The following GRID2 variants were observed in gnomAD, a reference collection of about 807,000 sequenced individuals.
The protein encoded by GRID2 is glutamate ionotropic receptor delta type subunit 2.
In GRID2, 33 loss-of-function variants were observed where a neutral mutation model predicts 114.8. That is an observed-to-expected ratio of 0.29 (90% confidence interval 0.22 to 0.38). The LOEUF (loss-of-function observed/expected upper bound fraction) is 0.38, where lower values mean the gene tolerates loss of function less well. GRID2 is among the 10% of genes least tolerant of loss of function. The pLI, the probability that GRID2 is intolerant of heterozygous loss-of-function variation, is 1.00. For missense variants in GRID2, 1,184 were observed against 1,257.7 expected (o/e 0.94, Z 0.89); for synonymous variants, 505 against 449.9 (o/e 1.12, Z -1.55).
rs1468506096 is a variant in GRID2, at chr4:93,094,140, C to T, written c.529+8861C>T. On this transcript the variant is annotated intron_variant, in intron 3 of 15. Coordinates refer to ENST00000282020, the MANE Select transcript of GRID2 (RefSeq NM_001510.4). ...GTGTTTGTGTTAAAACCTTGAGTGG[C>T]ACTTGCTTCAGGAAAAAAAGGGTGT... 2.0e-5 allele frequency among the ~76,000 whole-genome samples: 3 copies of T among 152,006 alleles called. No homozygotes were observed. In the East Asian group the frequency reaches 5.8e-4, roughly 29 times the overall value.
chr4:92,506,608 T>G (rs1352898826), intron 1 of GRID2, among the ~76,000 whole-genome samples: 1 of 151,798 alleles, frequency 6.6e-6, no homozygotes, highest in Non-Finnish European at 1.5e-5. Flanking sequence ...ATTGTCTTTT[T>G]TTTATTAGAT....
intron 14 of GRID2, among the ~76,000 whole-genome samples, chr4:93,681,640 T>G (rs567362915): frequency 4.6e-5 from 7 of 152,282 alleles, no homozygotes; most frequent in South Asian, 4.1e-4. Flanking sequence ...TCTACAACTA[T>G]CTGATCTTTG....
At chr4:93,409,713 A>G (rs564363458) in intron 9 of GRID2, among the ~76,000 whole-genome samples, 8 of 152,288 alleles carry the variant, frequency 5.3e-5, no homozygotes, top group African/African-American at 1.9e-4. Context: ...ATGCATACCC[A>G]TATACTGATG....
intron 2 of GRID2, among the ~76,000 whole-genome samples, chr4:92,610,785 T>C (rs1249547945): frequency 6.6e-6 from 1 of 151,718 alleles, no homozygotes; most frequent in Non-Finnish European, 1.5e-5. Flanking sequence ...TAGCCTCTTC[T>C]GGGCATTTCA....
At chr4:92,387,954 A>G (rs1730054310) in intron 1 of GRID2, among the ~76,000 whole-genome samples, 1 of 152,030 alleles carries the variant, frequency 6.6e-6, no homozygotes, top group South Asian at 2.1e-4. Context: ...GATTTCAGAG[A>G]TACATTTATT....
intron 2 of GRID2, among the ~76,000 whole-genome samples, chr4:92,994,470 A>T (rs561561346): frequency 3.3e-5 from 5 of 151,906 alleles, no homozygotes; most frequent in Non-Finnish European, 2.9e-5. Flanking sequence ...CTCCTACCTC[A>T]GCCTCCCAAG....
At chr4:92,969,378 G>T (rs1211303451) in intron 2 of GRID2, among the ~76,000 whole-genome samples, 1 of 151,638 alleles carries the variant, frequency 6.6e-6, no homozygotes, top group East Asian at 1.9e-4. Flanking sequence ...TTAATACTTG[G>T]ATGGAAATTG....
chr4:93,598,379 C>T (rs1739324816), intron 13 of GRID2, among the ~76,000 whole-genome samples: 1 of 151,886 alleles, frequency 6.6e-6, no homozygotes, highest in African/African-American at 2.4e-5. Flanking sequence ...TCACTCATTC[C>T]TTCTCATGCT....
chr4:92,979,528 C>T (rs935337187), intron 2 of GRID2, among the ~76,000 whole-genome samples: 6 of 152,054 alleles, frequency 3.9e-5, no homozygotes, highest in Non-Finnish European at 8.8e-5. Context: ...TGAATGCATG[C>T]TGAAGTTTGC....
At chr4:92,670,671 C>T (rs560793148) in intron 2 of GRID2, among the ~76,000 whole-genome samples, 26 of 152,106 alleles carry the variant, frequency 1.7e-4, no homozygotes, top group African/African-American at 5.8e-4. Context: ...TAATATGTAA[C>T]ATATGTAGAG....
intron 2 of GRID2, among the ~76,000 whole-genome samples, chr4:92,781,011 C>T (rs1739048451): frequency 1.3e-5 from 2 of 152,072 alleles, no homozygotes; most frequent in South Asian, 2.1e-4. Context: ...CTTTGGGAGG[C>T]CAAGGCAGGT....
chr4:92,597,105 T>A (rs1423236768), intron 2 of GRID2, among the ~76,000 whole-genome samples: 1 of 152,068 alleles, frequency 6.6e-6, no homozygotes, highest in Non-Finnish European at 1.5e-5. Context: ...TTTTTATTTT[T>A]ATTTTTATTT....
chr4:93,040,483 T>C (rs1346370461), intron 2 of GRID2, among the ~76,000 whole-genome samples: 1 of 152,166 alleles, frequency 6.6e-6, no homozygotes, highest in Admixed American at 6.5e-5. Flanking sequence ...AAGTGTATTC[T>C]TTTTCTTCTT....
chr4:93,343,479 T>C (rs1759869762), intron 8 of GRID2, among the ~76,000 whole-genome samples: 1 of 152,076 alleles, frequency 6.6e-6, no homozygotes, highest in African/African-American at 2.4e-5. Flanking sequence ...TTTCCCAAGA[T>C]GTTCAAAAAA....
At chr4:93,764,952 C>A (rs1240376516) in intron 14 of GRID2, among the ~76,000 whole-genome samples, 2 of 152,114 alleles carry the variant, frequency 1.3e-5, no homozygotes, top group South Asian at 4.1e-4. Flanking sequence ...CACACACACT[C>A]GCACACATAC....
intron 2 of GRID2, among the ~76,000 whole-genome samples, chr4:93,074,338 T>C (rs576723763): frequency 2.0e-5 from 3 of 152,112 alleles, no homozygotes; most frequent in Non-Finnish European, 4.4e-5. Flanking sequence ...AAACAATCCA[T>C]TGTCAAGATG....
chr4:93,515,368 G>T lies in GRID2; in HGVS notation c.2150G>T (p.Gly717Val), dbSNP rs752352738. 1.2e-6 allele frequency: 2 copies of T among 1,613,224 alleles called. No homozygotes were observed. The highest frequency in any genetic ancestry group is 2.2e-5 in the South Asian group (2 of 91,056). ...TGGCGGATGATCAACCGAAGCAATG[G>T]ATCGGAGAACAATGTTCTGGAGTCC... is the stretch of plus-strand genomic sequence containing the variant. ...QMWRMINRSN[G>V]SENNVLESQA... Residue 717 changes from glycine (G) to valine (V), a missense_variant, in exon 13 of 16, where the codon GGA becomes GTA. Physicochemically the swap from Gly to Val is moderately radical, Grantham distance 109 (BLOSUM62 -3). This residue lies in a region of GRID2 where 717 missense variants were observed against 796.9 expected (regional missense o/e 0.90). Transcript: ENST00000282020.
chr4:93,139,735 AACACACACAC>A (rs70942952), intron 4 of GRID2, among the ~76,000 whole-genome samples: 3 of 147,894 alleles, frequency 2.0e-5, no homozygotes, highest in African/African-American at 5.0e-5. Context: ...GTACTTTTGA[AACACACACAC>A]ACACACACAC....
intron 1 of GRID2, among the ~76,000 whole-genome samples, chr4:92,401,478 A>G (rs898206652): frequency 6.6e-6 from 1 of 152,150 alleles, no homozygotes; most frequent in Non-Finnish European, 1.5e-5. Flanking sequence ...CAGAGATATC[A>G]TGGGTTTAGT....
Sources: gnomAD v4.1 joint callset for allele counts (sites outside exome capture counted in the v4.1 genomes callset) on GRCh38, gnomAD v4.1.1 for gene constraint, gnomAD v4.1.1 regional missense constraint, MANE v1.5 for transcripts, NCBI Gene and HGNC (gene_info 2026-07-23, HGNC 2026-07-21) for gene names.